The following TECPR2 variants were observed in gnomAD, a reference collection of about 807,000 sequenced individuals.
TECPR2 encodes the protein tectonin beta-propeller repeat-containing protein 2.
TECPR2 carries 65 observed loss-of-function variants against 138.1 expected under a neutral mutation model. That is an observed-to-expected ratio of 0.47 (90% CI 0.39 to 0.58). The LOEUF (loss-of-function observed/expected upper bound fraction) is 0.58. TECPR2 is among the 20% of genes least tolerant of loss of function. The probability of loss-of-function intolerance (pLI) is 0.00; values close to 1 mark genes in which losing one functional copy is unlikely to be tolerated. For missense variants in TECPR2, 1,553 were observed against 1,824.5 expected, an observed-to-expected ratio of 0.85 and a Z score of 2.71; for synonymous variants, 746 against 749.8, an observed-to-expected ratio of 0.99 and a Z score of 0.08.
At chr14:102,433,806 G>A (rs911458010) in intron 8 of TECPR2, among the ~76,000 whole-genome samples, 1 of 152,144 alleles carries the variant, frequency 6.6e-6, no homozygotes, top group African/African-American at 2.4e-5. Context: ...GCTTATGAGC[G>A]TGAACCACCG....
chr14:102,452,767 A>G, intron 16 of TECPR2, 140 bp downstream of exon 16: 1 of 681,762 alleles, frequency 1.5e-6, no homozygotes, highest in Non-Finnish European at 2.5e-6. Flanking sequence ...GCTGAATTTC[A>G]GGAGCTCAGT....
chr14:102,375,611 A>G (rs1887623234), intron 1 of TECPR2, among the ~76,000 whole-genome samples: 1 of 152,094 alleles, frequency 6.6e-6, no homozygotes, highest in African/African-American at 2.4e-5. Flanking sequence ...GAAAACCTAC[A>G]GTTCAAAGAG....
At chr14:102,437,943 T>C in intron 9 of TECPR2, 79 bp from the exon 10 acceptor site, 1 of 1,503,724 alleles carries the variant, frequency 6.7e-7, no homozygotes, top group Non-Finnish European at 9.0e-7. Context: ...TGATATCCTC[T>C]CACCTTTCTT....
chr14:102,470,180 C>A (rs1250755837), intron 17 of TECPR2, among the ~76,000 whole-genome samples: 11 of 152,132 alleles, frequency 7.2e-5, no homozygotes, highest in African/African-American at 1.9e-4. Context: ...TTATTTTTTA[C>A]ACCCCATTTG....
At chr14:102,452,687 A>T in intron 16 of TECPR2, 60 bp downstream of exon 16, 2 of 1,388,252 alleles carry the variant, frequency 1.4e-6, no homozygotes, top group Non-Finnish European at 2.0e-6. Context: ...CGGCATCACA[A>T]CGTGATGTCG....
intron 2 of TECPR2, among the ~76,000 whole-genome samples, chr14:102,381,679 C>G (rs1887824518): frequency 6.6e-6 from 1 of 152,182 alleles, no homozygotes; most frequent in African/African-American, 2.4e-5. Context: ...TGAAGGAAAA[C>G]TTAAGAGGGT....
Position 102,449,695 on chromosome 14 carries a change from C to T in TECPR2, c.3142C>T (p.His1048Tyr). The part of the protein sequence containing the change: ...SLFQTIIHAT[H>Y]SVATAAQAPV... ...ATTTCAGACGATAATCCATGCCACT[C>T]ACTCGGTGGCCACAGCAGCCCAAGC... The change falls in exon 14 of 20, where the codon CAC (histidine) becomes TAC (tyrosine). Residue 1048 changes from histidine to tyrosine, a missense_variant. His to Tyr is a moderately conservative substitution (Grantham distance 83). Transcript: ENST00000359520. 1 of 1,614,166 alleles carries T rather than the reference C, an allele frequency of 6.2e-7. No individual in the cohort carries two copies. The highest frequency in any genetic ancestry group is 8.5e-7 in the Non-Finnish European group (1 of 1,180,030).
At chr14:102,407,240 C>G in intron 2 of TECPR2, 98 bp from the exon 3 acceptor site, 1 of 1,427,182 alleles carries the variant, frequency 7.0e-7, no homozygotes, top group Non-Finnish European at 9.4e-7. Context: ...TGGACTGCAG[C>G]CTGATGAAGT....
chr14:102,442,942 G>A (rs758517745), intron 11 of TECPR2, among the ~76,000 whole-genome samples: 82 of 152,362 alleles, frequency 5.4e-4, no homozygotes, highest in Middle Eastern at 6.8e-3. Context: ...CCTGGACAGG[G>A]AGCCAGGGAC....
intron 5 of TECPR2, 129 bp from the exon 6 acceptor site, chr14:102,424,850 G>A (rs940838733): frequency 8.8e-6 from 8 of 913,356 alleles, no homozygotes; most frequent in Non-Finnish European, 1.1e-5. Flanking sequence ...ACAGTAGAAA[G>A]GGTGAAAAAT....
chr14:102,413,955 G>A (rs1295030518), intron 4 of TECPR2, among the ~76,000 whole-genome samples: 1 of 151,250 alleles, frequency 6.6e-6, no homozygotes, highest in Non-Finnish European at 1.5e-5. Context: ...GTGCCAACAT[G>A]CCTGGCTAAT....
At chr14:102,411,698 T>C (rs1888870121) in intron 4 of TECPR2, among the ~76,000 whole-genome samples, 1 of 9,670 alleles carries the variant, frequency 1.0e-4, no homozygotes, top group Non-Finnish European at 1.9e-4. Flanking sequence ...GCCATGTTGC[T>C]CAAAAAAAAA....
rs547933527 is a variant in TECPR2 at position 102,464,846 on chromosome 14, G to A, written c.3641-295G>A. On this transcript the variant is annotated intron_variant, in intron 16 of 19. Transcript: ENST00000359520. The stretch of plus-strand genomic sequence containing the variant: ...GGTGGTTCAGGGCACTGTACTGACA[G>A]CATCTTGACTGCTTTGCCTGTTGCC... Among the ~76,000 whole-genome samples the A allele has an allele frequency of 8.9e-4, 136 of 152,330 alleles. 2 individuals are homozygous for A. Among genetic ancestry groups the A allele is most frequent in the African/African-American group, 3.2e-3 (132 of 41,574 alleles).
chr14:102,434,332 G>C lies in TECPR2; in HGVS notation c.1515G>C (p.Leu505=). ...CCCAGTCCTTGAACACAGACTTGCT[G>C]TCGATGACCTCAAGTGTCCTGGGCA... The part of the protein sequence containing the change: ...DSPQSLNTDL[L]SMTSSVLGSS... The change falls in exon 9 of 20, where the codon CTG becomes CTC. Residue 505 remains leucine, a synonymous_variant. Transcript: ENST00000359520. 2 of 1,465,212 alleles carry C rather than the reference G, an allele frequency of 1.4e-6. No homozygotes were observed. Among genetic ancestry groups the C allele is most frequent in the Non-Finnish European group, 1.8e-6 (2 of 1,105,454 alleles). The allele number at this position is 1,465,212 out of a possible 1,614,324, so 90.8% of individuals were successfully genotyped here.
intron 9 of TECPR2, chr14:102,437,294 C>G (rs1485550292): frequency 1.3e-6 from 1 of 783,302 alleles, no homozygotes; most frequent in Admixed American, 6.2e-5. Context: ...CGCCTGTAAT[C>G]CCAGCACTTT....
chr14:102,475,611 A>G (rs1890741348), intron 17 of TECPR2, among the ~76,000 whole-genome samples: 1 of 152,182 alleles, frequency 6.6e-6, no homozygotes, highest in Non-Finnish European at 1.5e-5. Flanking sequence ...CGAAGAATCA[A>G]ACTGTTTCAG....
chr14:102,477,186 G>A (rs1258681558), intron 17 of TECPR2, among the ~76,000 whole-genome samples: 1 of 152,144 alleles, frequency 6.6e-6, no homozygotes, highest in Non-Finnish European at 1.5e-5. Flanking sequence ...CCTGGCCAAC[G>A]TGGTGAAACC....
intron 2 of TECPR2, among the ~76,000 whole-genome samples, chr14:102,391,973 T>A (rs1334223864): frequency 1.3e-5 from 2 of 152,154 alleles, no homozygotes; most frequent in Non-Finnish European, 2.9e-5. Context: ...AACCCCTTTT[T>A]TTGTTTGTTT....
At chr14:102,371,493 G>C (rs535422513) in intron 1 of TECPR2, among the ~76,000 whole-genome samples, 1 of 152,266 alleles carries the variant, frequency 6.6e-6, no homozygotes. Flanking sequence ...CCCCAGATAG[G>C]GAAATAGCAT....
Sources: gnomAD v4.1 joint callset for allele counts (sites outside exome capture counted in the v4.1 genomes callset) on GRCh38, gnomAD v4.1.1 for gene constraint, MANE v1.5 for transcripts, NCBI Gene and HGNC (gene_info 2026-07-23, HGNC 2026-07-21) for gene names.